Variants in OR51B5 observed in about 807,000 individuals in gnomAD.
OR51B5 encodes olfactory receptor 51B5.
For synonymous variants in OR51B5, 186 were observed against 144.8 expected (o/e 1.28, Z -2.04); for missense variants, 456 against 374.6 (o/e 1.22, Z -1.79).
chr11:5,445,896 A>G (rs1850753357), intron 1 of OR51B5, among the ~76,000 whole-genome samples: 1 of 152,092 alleles, frequency 6.6e-6, no homozygotes, highest in East Asian at 1.9e-4. Flanking sequence ...TGGATACATC[A>G]GAAGATAAAT....
chr11:5,436,290 T>C (rs148825862), intron 1 of OR51B5, among the ~76,000 whole-genome samples: 1 of 152,126 alleles, frequency 6.6e-6, no homozygotes, highest in African/African-American at 2.4e-5. Flanking sequence ...TTTTCTAAAA[T>C]CACAATGAAA....
chr11:5,389,742 G>C (rs193045218), intron 1 of OR51B5: 1 of 1,613,940 alleles, frequency 6.2e-7, no homozygotes, highest in Non-Finnish European at 8.5e-7. Context: ...CAGATGTTCT[G>C]CATCCACTCT....
intron 1 of OR51B5, chr11:5,454,757 A>G (rs1038382370): frequency 5.7e-6 from 1 of 176,452 alleles, no homozygotes; most frequent in Non-Finnish European, 1.2e-5. Flanking sequence ...CCTAAAATGT[A>G]TCAAGTACTA....
intron 1 of OR51B5, among the ~76,000 whole-genome samples, chr11:5,466,055 C>CTCA (rs1851134867): frequency 6.6e-6 from 1 of 152,104 alleles, no homozygotes; most frequent in African/African-American, 2.4e-5. Context: ...TTGCAACCTA[C>CTCA]TCATCTGACA....
intron 1 of OR51B5, among the ~76,000 whole-genome samples, chr11:5,415,209 G>T (rs1006033677): frequency 2.3e-4 from 35 of 151,624 alleles, no homozygotes; most frequent in African/African-American, 8.5e-4. Flanking sequence ...CAGAAATAAA[G>T]ATTTTCTTTG....
At chr11:5,497,410 T>A (rs1419004442) in intron 1 of OR51B5, among the ~76,000 whole-genome samples, 5 of 152,160 alleles carry the variant, frequency 3.3e-5, no homozygotes, top group South Asian at 2.1e-4. Flanking sequence ...AGACTCCGTC[T>A]CAAAATAAAT....
Position 5,400,081 on chromosome 11 carries a change from A to G in OR51B5, n.85-53171T>C, listed in dbSNP as rs187656122. Among the ~76,000 whole-genome samples, 7 of 152,298 alleles carry G rather than the reference A, an allele frequency of 4.6e-5. No individual in the cohort carries two copies. The East Asian group carries it at 1.4e-3, about 29-fold the overall frequency. ...ACATAAGGGCATAAGAATGCAGAAG[A>G]GAAATGTTTCTCATTTTCAGCCATA... On this transcript the variant is annotated intron_variant and non_coding_transcript_variant, in intron 1 of 4. Transcript: ENST00000415970.
chr11:5,418,119 G>A (rs1020058360), intron 1 of OR51B5, among the ~76,000 whole-genome samples: 7 of 151,374 alleles, frequency 4.6e-5, no homozygotes, highest in African/African-American at 1.2e-4. Flanking sequence ...CATGGATGAA[G>A]TTGGAAATCC....
chr11:5,389,270 A>T, intron 1 of OR51B5: 1 of 895,130 alleles, frequency 1.1e-6, no homozygotes, highest in Admixed American at 2.2e-5. Flanking sequence ...GGCAGAATTC[A>T]TAAGGGTGGA....
intron 1 of OR51B5, among the ~76,000 whole-genome samples, chr11:5,453,000 T>C (rs1330551855): frequency 6.7e-6 from 1 of 150,268 alleles, no homozygotes; most frequent in Non-Finnish European, 1.5e-5. Flanking sequence ...AAACTTGCTC[T>C]GGGAAAGTCT....
intron 1 of OR51B5, among the ~76,000 whole-genome samples, chr11:5,367,990 A>T (rs1467124050): frequency 6.6e-6 from 1 of 152,216 alleles, no homozygotes; most frequent in Non-Finnish European, 1.5e-5. Context: ...CACTTCTACC[A>T]GAGTAGAGCT....
chr11:5,389,539 C>G lies in OR51B5; in HGVS notation n.85-42629G>C, dbSNP rs182074434. On this transcript the variant is annotated intron_variant and non_coding_transcript_variant, in intron 1 of 4. Transcript: ENST00000415970. ...TTTTCATCCCCTTTTTCTTTATGTA[C>G]ATGGTTGCCATCTCAGGCAATTGTT... is the stretch of plus-strand genomic sequence containing the variant. The G allele has an allele frequency of 1.8e-3, 2,847 of 1,613,916 alleles. 7 individuals are homozygous for G. Among genetic ancestry groups the G allele is most frequent in the Non-Finnish European group, 1.9e-3 (2,295 of 1,179,870 alleles).
intron 1 of OR51B5, among the ~76,000 whole-genome samples, chr11:5,367,047 A>G (rs1849380404): frequency 6.6e-6 from 1 of 152,208 alleles, no homozygotes; most frequent in Non-Finnish European, 1.5e-5. Flanking sequence ...ATTCTCTAGC[A>G]GCAGAGACCA....
At position 5,343,339 on chromosome 11, in the gene OR51B5, G is replaced by A. The variant is rs757063880; in HGVS notation, c.186C>T (p.Ala62=). 1.8e-5 allele frequency: 29 copies of A among 1,612,010 alleles called. No individual in the cohort carries two copies. In the South Asian group the frequency reaches 3.1e-4, roughly 17 times the overall value. The change falls in exon 1 of 1, where the codon GCC becomes GCT. Residue 62 remains alanine (A), a synonymous_variant. Coordinates refer to ENST00000300773, the Ensembl canonical transcript of OR51B5. ...GCCCCAGGTCTGTGGCAGCCAGCAT[G>A]GCCAGAAAGAAGTACATGGGCTCAT... is the stretch of plus-strand genomic sequence containing the variant.
intron 1 of OR51B5, among the ~76,000 whole-genome samples, chr11:5,428,123 T>C (rs962561233): frequency 3.3e-5 from 5 of 152,022 alleles, no homozygotes; most frequent in African/African-American, 4.8e-5. Context: ...ATATTTATAA[T>C]ACTCTATATA....
At chr11:5,353,209 T>TATCTCTATGAGAA (rs1849131169) in intron 1 of OR51B5, among the ~76,000 whole-genome samples, 1 of 152,152 alleles carries the variant, frequency 6.6e-6, no homozygotes, top group South Asian at 2.1e-4. Context: ...CTAGGGAAAG[T>TATCTCTATGAGAA]ATCTCTATGA....
chr11:5,343,278 G>C, exon 1 of OR51B5: 2 of 1,612,932 alleles, frequency 1.2e-6, no homozygotes, highest in Non-Finnish European at 1.7e-6. Context: ...TCCAGCCAGA[G>C]GACTCCCAGC....
intron 1 of OR51B5, among the ~76,000 whole-genome samples, chr11:5,426,941 G>A (rs945357520): frequency 7.2e-5 from 11 of 152,144 alleles, no homozygotes; most frequent in Non-Finnish European, 2.9e-5. Context: ...CTATTCTTCT[G>A]AAGACAGCTT....
intron 1 of OR51B5, among the ~76,000 whole-genome samples, chr11:5,426,649 C>T (rs1589990887): frequency 6.6e-6 from 1 of 152,034 alleles, no homozygotes; most frequent in East Asian, 1.9e-4. Context: ...CAAAAAAGCC[C>T]CTACAGTATA....
Sources: gnomAD v4.1 joint callset for allele counts (sites outside exome capture counted in the v4.1 genomes callset) on GRCh38, gnomAD v4.1.1 for gene constraint, MANE v1.5 for transcripts, NCBI Gene and HGNC (gene_info 2026-07-23, HGNC 2026-07-21) for gene names.